Variants in PARD3B observed in about 807,000 individuals in gnomAD.
PARD3B encodes the protein par-3 family cell polarity regulator beta.
Under a neutral mutation model 130.2 loss-of-function variants are expected in PARD3B, and 103 were observed. The observed-to-expected ratio is 0.79, with a 90% CI of 0.67 to 0.93. The LOEUF is 0.93. Among genes scored for constraint, PARD3B ranks in the 40% least tolerant of loss-of-function variants. PARD3B has a pLI of 0.00. For missense variants in PARD3B, 1,609 were observed against 1,499.2 expected (o/e 1.07, Z -1.21); for synonymous variants, 583 against 553.2 (o/e 1.05, Z -0.76).
chr2:205,251,115 C>T (rs1030370795), intron 16 of PARD3B, among the ~76,000 whole-genome samples: 3 of 152,128 alleles, frequency 2.0e-5, no homozygotes, highest in Non-Finnish European at 4.4e-5. Flanking sequence ...CTATCTGATA[C>T]ATCTTTACTT....
intron 22 of PARD3B, 71 bp downstream of exon 22, chr2:205,553,474 T>C: frequency 6.7e-7 from 1 of 1,482,202 alleles, no homozygotes; most frequent in Non-Finnish European, 9.4e-7. Flanking sequence ...CTACATGAAA[T>C]AGAAATTCTG....
intron 13 of PARD3B, among the ~76,000 whole-genome samples, chr2:205,179,694 G>T (rs1425366709): frequency 1.3e-5 from 2 of 152,160 alleles, no homozygotes; most frequent in Non-Finnish European, 2.9e-5. Context: ...GCCTAACGAA[G>T]CTTTTCTCAG....
intron 21 of PARD3B, among the ~76,000 whole-genome samples, chr2:205,507,670 T>C (rs2050426014): frequency 6.6e-6 from 1 of 152,120 alleles, no homozygotes; most frequent in Non-Finnish European, 1.5e-5. Context: ...ATGTAGATGG[T>C]AGGCACAATT....
At chr2:205,226,782 T>TC (rs2038575602) in intron 15 of PARD3B, among the ~76,000 whole-genome samples, 1 of 152,214 alleles carries the variant, frequency 6.6e-6, no homozygotes, top group South Asian at 2.1e-4. Context: ...TAATTTGAAG[T>TC]CAGGTAATGT....
intron 20 of PARD3B, among the ~76,000 whole-genome samples, chr2:205,498,679 G>T (rs1015224274): frequency 6.6e-6 from 1 of 152,200 alleles, no homozygotes. Flanking sequence ...AAAGCAAGAT[G>T]CTTTCTCATT....
chr2:204,728,276 T>A (rs2039329358), intron 2 of PARD3B, among the ~76,000 whole-genome samples: 1 of 152,120 alleles, frequency 6.6e-6, no homozygotes, highest in Admixed American at 6.6e-5. Flanking sequence ...GGTAAGTGAC[T>A]GCCCCACAAC....
At chr2:204,981,247 C>T (rs948401085) in intron 3 of PARD3B, among the ~76,000 whole-genome samples, 6 of 151,824 alleles carry the variant, frequency 4.0e-5, no homozygotes, top group African/African-American at 1.2e-4. Context: ...CAGAAACGAG[C>T]GTGTATATTC....
chr2:205,311,455 T>C (rs1046467631), intron 18 of PARD3B, among the ~76,000 whole-genome samples: 3 of 152,238 alleles, frequency 2.0e-5, no homozygotes, highest in South Asian at 2.1e-4. Context: ...TTCTTGGCTA[T>C]TGGTATGTCT....
At chr2:205,581,282 A>G (rs922240914) in intron 22 of PARD3B, among the ~76,000 whole-genome samples, 1 of 106,606 alleles carries the variant, frequency 9.4e-6, no homozygotes, top group African/African-American at 3.7e-5. Flanking sequence ...ATAGATATAG[A>G]TATATAGATA....
chr2:204,651,424 A>G (rs755754158), intron 1 of PARD3B, among the ~76,000 whole-genome samples: 8 of 152,202 alleles, frequency 5.3e-5, no homozygotes, highest in African/African-American at 1.2e-4. Flanking sequence ...CTCCAAAATA[A>G]TCTCCGTTAA....
In PARD3B at chr2:205,078,297, G is replaced by C. The variant is rs1004800973; in HGVS notation, c.505-26129G>C. On this transcript the variant is annotated intron_variant, in intron 4 of 22. Coordinates refer to ENST00000406610, the MANE Select transcript of PARD3B (RefSeq NM_001302769.2). The surrounding 1 kb of genome is among the most constrained non-coding windows in gnomAD (Gnocchi z 4.0). ...TGTTCCTTTTATTAGATGTGACAGA[G>C]CAATTTAGTATTGTAGGTTCACTCA... 6.6e-6 allele frequency among the ~76,000 whole-genome samples: 1 copy of C among 152,170 alleles called. No individual in the cohort carries two copies. The highest frequency in any genetic ancestry group is 2.4e-5 in the African/African-American group (1 of 41,446).
Position 205,564,653 on chromosome 2 carries a change from C to A in PARD3B, c.3260+11250C>A, listed in dbSNP as rs574031246. On this transcript the variant is annotated intron_variant, in intron 22 of 22. Transcript: ENST00000406610. The surrounding 1 kb of genome is among the most constrained non-coding windows in gnomAD (Gnocchi z 4.6). ...TTCTACTGACTCTGCTGCTTCAAGT[C>A]CAGAGAAGAGAGCTTTGGCAGTCAG... Among the ~76,000 whole-genome samples the A allele has an allele frequency of 1.3e-5, 2 of 152,288 alleles. No individual in the cohort carries two copies. Among genetic ancestry groups the A allele is most frequent in the East Asian group, 3.9e-4 (2 of 5,172 alleles).
Position 205,301,790 on chromosome 2 carries a change from C to T in PARD3B, c.2630+89C>T, listed in dbSNP as rs533623843. 65 of 1,595,438 alleles carry T rather than the reference C, an allele frequency of 4.1e-5. 1 individual carries two copies. Among genetic ancestry groups the T allele is most frequent in the South Asian group, 1.5e-4 (14 of 90,700 alleles). On this transcript the variant is annotated intron_variant, in intron 18 of 22. Coordinates refer to ENST00000406610, the MANE Select transcript of PARD3B (RefSeq NM_001302769.2). This position sits in a 1 kb window ranked among gnomAD's most constrained non-coding sequence, Gnocchi z 5.2. Reference sequence around the variant, plus strand: ...TTGTCTGTACTCAGAAAAAAGCGCACGCTTTTCCTCGTCTTCAGCCAAATG... The same window carrying T: ...TTGTCTGTACTCAGAAAAAAGCGCATGCTTTTCCTCGTCTTCAGCCAAATG...
chr2:204,730,781 G>T (rs1473371454), intron 2 of PARD3B, among the ~76,000 whole-genome samples: 1 of 152,154 alleles, frequency 6.6e-6, no homozygotes, highest in Non-Finnish European at 1.5e-5. Flanking sequence ...TGTATAAATT[G>T]ACAGTGATAA....
intron 2 of PARD3B, among the ~76,000 whole-genome samples, chr2:204,957,179 G>C (rs138003299): frequency 6.6e-6 from 1 of 152,212 alleles, no homozygotes; most frequent in East Asian, 1.9e-4. Context: ...ATTCAAGTCA[G>C]AGAAAAAAAT....
At chr2:204,703,526 G>A (rs916229190) in intron 2 of PARD3B, among the ~76,000 whole-genome samples, 1 of 152,166 alleles carries the variant, frequency 6.6e-6, no homozygotes, top group Non-Finnish European at 1.5e-5. Flanking sequence ...TTTAATTTCT[G>A]TAGAGTTGCC....
intron 3 of PARD3B, 109 bp downstream of exon 3, chr2:204,965,432 G>T: frequency 1.7e-6 from 2 of 1,179,014 alleles, no homozygotes; most frequent in Non-Finnish European, 1.2e-6. Flanking sequence ...ATTTTATATC[G>T]TGGTTTATCT....
chr2:204,948,674 T>C (rs1180210305), intron 2 of PARD3B, among the ~76,000 whole-genome samples: 2 of 152,210 alleles, frequency 1.3e-5, no homozygotes, highest in African/African-American at 4.8e-5. Context: ...CTAAGTGCAA[T>C]ATCAGGTGTT....
In PARD3B at chr2:204,943,863, A is replaced by C. The variant is rs1689104936; in HGVS notation, c.223-21289A>C. 6.6e-6 allele frequency among the ~76,000 whole-genome samples: 1 copy of C among 152,208 alleles called. No individual in the cohort carries two copies. Among genetic ancestry groups the C allele is most frequent in the South Asian group, 2.1e-4 (1 of 4,832 alleles). On this transcript the variant is annotated intron_variant, in intron 2 of 22. Transcript: ENST00000406610. The surrounding 1 kb of genome is among the most constrained non-coding windows in gnomAD (Gnocchi z 4.2). ...TAACACTAGAAAACTGAGATTTCAG[A>C]GGGGAAACAAAGTTAAAGCCCAAAG...
Sources: allele counts gnomAD v4.1 joint callset (sites outside exome capture counted in the v4.1 genomes callset), GRCh38; gene constraint gnomAD v4.1.1; non-coding constraint Gnocchi (gnomAD v3.1); transcripts MANE v1.5; gene names NCBI Gene and HGNC (gene_info 2026-07-23, HGNC 2026-07-21).